PCDHA12: variants seen among roughly 807,000 people sequenced by gnomAD.
PCDHA12 encodes protocadherin alpha 12.
In PCDHA12, 44 loss-of-function variants were observed where a neutral mutation model predicts 60.0. That is an observed-to-expected ratio of 0.73 (90% CI 0.58 to 0.94). The LOEUF (loss-of-function observed/expected upper bound fraction) is 0.94. Among genes scored for constraint, PCDHA12 ranks in the 40% least tolerant of loss-of-function variants. The probability of loss-of-function intolerance (pLI) is 0.00; values close to 1 mark genes in which losing one functional copy is unlikely to be tolerated. For synonymous variants in PCDHA12, 569 were observed against 553.0 expected, an observed-to-expected ratio of 1.03 and a Z score of -0.40; for missense variants, 1,276 against 1,239.7, an observed-to-expected ratio of 1.03 and a Z score of -0.44.
intron 1 of PCDHA12, chr5:140,967,336 C>T (rs782067589): frequency 5.0e-6 from 8 of 1,607,396 alleles, no homozygotes; most frequent in Admixed American, 1.7e-5. Context: ...TCAGCCCCAG[C>T]GAGCACTTCG....
At chr5:140,913,667 G>A (rs2076425699) in intron 1 of PCDHA12, among the ~76,000 whole-genome samples, 2 of 152,000 alleles carry the variant, frequency 1.3e-5, no homozygotes, top group South Asian at 2.1e-4. Flanking sequence ...GTATAGTTAG[G>A]TTATTTAAAA....
intron 1 of PCDHA12, among the ~76,000 whole-genome samples, chr5:140,880,921 T>C (rs187033233): frequency 6.6e-6 from 1 of 152,272 alleles, no homozygotes; most frequent in East Asian, 1.9e-4. Context: ...AGAAATACTA[T>C]GTTAGTAAAA....
intron 1 of PCDHA12, among the ~76,000 whole-genome samples, chr5:140,933,345 A>G (rs1257404732): frequency 6.6e-6 from 1 of 151,960 alleles, no homozygotes; most frequent in Non-Finnish European, 1.5e-5. Flanking sequence ...AAAGATAAAC[A>G]CTTTATTTCT....
At chr5:141,008,431 C>T (rs1192058423) in intron 3 of PCDHA12, among the ~76,000 whole-genome samples, 1 of 152,140 alleles carries the variant, frequency 6.6e-6, no homozygotes, top group Non-Finnish European at 1.5e-5. Flanking sequence ...GATCACTTTG[C>T]CCAGACAGAC....
chr5:140,901,815 A>T (rs1339282567), intron 1 of PCDHA12, among the ~76,000 whole-genome samples: 1 of 152,122 alleles, frequency 6.6e-6, no homozygotes, highest in African/African-American at 2.4e-5. Context: ...TACAATATTG[A>T]TTCTTCCAGT....
chr5:140,968,994 G>T (rs1182509201), intron 1 of PCDHA12: 2 of 1,614,098 alleles, frequency 1.2e-6, no homozygotes, highest in Non-Finnish European at 1.7e-6. Context: ...GCATGCTGTG[G>T]AGGCTTCTGT....
intron 1 of PCDHA12, among the ~76,000 whole-genome samples, chr5:140,895,581 TTAGA>T (rs1442561424): frequency 6.6e-6 from 1 of 152,216 alleles, no homozygotes; most frequent in Non-Finnish European, 1.5e-5. Flanking sequence ...AATTACTTTA[TTAGA>T]TATATAATTT....
chr5:140,927,970 G>A (rs1554205315), intron 1 of PCDHA12: 1 of 1,614,216 alleles, frequency 6.2e-7, no homozygotes, highest in East Asian at 2.2e-5. Context: ...CACAGTGATT[G>A]CTCTCTTTAG....
chr5:140,882,126 T>C, intron 1 of PCDHA12: 1 of 1,466,718 alleles, frequency 6.8e-7, no homozygotes, highest in East Asian at 2.3e-5. Flanking sequence ...GTTTCTTTCT[T>C]CCTGCAGAAA....
chr5:140,900,644 C>G (rs1554189317), intron 1 of PCDHA12, among the ~76,000 whole-genome samples: 1 of 152,180 alleles, frequency 6.6e-6, no homozygotes. Context: ...ATTGTGAACA[C>G]TGCTGCAATG....
intron 1 of PCDHA12, among the ~76,000 whole-genome samples, chr5:140,961,995 TG>T (rs2095649493): frequency 1.3e-5 from 2 of 152,062 alleles, no homozygotes; most frequent in African/African-American, 4.8e-5. Flanking sequence ...GCCATTGTCC[TG>T]CCTCAGCTTC....
chr5:140,966,916 G>A lies in PCDHA12; in HGVS notation c.2368-12033G>A, dbSNP rs1554228883. On this transcript the variant is annotated intron_variant, in intron 1 of 3. Coordinates refer to ENST00000398631, the MANE Select transcript of PCDHA12 (RefSeq NM_018903.4). Reference sequence around the variant, plus strand: ...CCCAGCTGCGATACTCTGTGCCAGAGGAGCAGGCACCCGGCGCGCTCGTGG... The same window carrying A: ...CCCAGCTGCGATACTCTGTGCCAGAAGAGCAGGCACCCGGCGCGCTCGTGG... 13 of 1,602,486 alleles carry A rather than the reference G, an allele frequency of 8.1e-6. No individual in the cohort carries two copies. In the South Asian group the frequency reaches 1.4e-4, roughly 18 times the overall value.
chr5:140,992,857 CTCT>C (rs2097531206), intron 3 of PCDHA12, among the ~76,000 whole-genome samples: 2 of 152,148 alleles, frequency 1.3e-5, no homozygotes, highest in Non-Finnish European at 2.9e-5. Context: ...ACCAGTTTCA[CTCT>C]AGCTCCCTCC....
At chr5:140,898,511 G>A (rs373963449) in intron 1 of PCDHA12, among the ~76,000 whole-genome samples, 16 of 151,912 alleles carry the variant, frequency 1.1e-4, no homozygotes, top group South Asian at 4.2e-4. Context: ...GATATGCGGC[G>A]TTATTTCTGA....
chr5:140,901,829 T>C (rs1449316816), intron 1 of PCDHA12, among the ~76,000 whole-genome samples: 1 of 152,230 alleles, frequency 6.6e-6, no homozygotes, highest in African/African-American at 2.4e-5. Flanking sequence ...TTCCAGTCCA[T>C]AAACATGCAA....
At chr5:141,002,174 C>T (rs2098063920) in intron 3 of PCDHA12, among the ~76,000 whole-genome samples, 1 of 152,224 alleles carries the variant, frequency 6.6e-6, no homozygotes, top group Non-Finnish European at 1.5e-5. Context: ...AGGCAGGCTC[C>T]AGAGTGCTGT....
chr5:140,948,943 A>G (rs2094326850), intron 1 of PCDHA12, among the ~76,000 whole-genome samples: 1 of 71,272 alleles, frequency 1.4e-5, no homozygotes, highest in African/African-American at 4.3e-5. Context: ...CTTCTAATAT[A>G]AAAAAATTAA....
intron 1 of PCDHA12, among the ~76,000 whole-genome samples, chr5:140,952,192 G>A (rs572613863): frequency 1.1e-4 from 16 of 152,198 alleles, no homozygotes; most frequent in African/African-American, 3.9e-4. Flanking sequence ...TCATGGGTTG[G>A]TGTTGAATGC....
chr5:140,910,845 G>T (rs1448971238), intron 1 of PCDHA12, among the ~76,000 whole-genome samples: 1 of 152,090 alleles, frequency 6.6e-6, no homozygotes, highest in Admixed American at 6.5e-5. Flanking sequence ...CAATGCCTTG[G>T]ATCTATGTTC....
Sources: allele counts gnomAD v4.1 joint callset (sites outside exome capture counted in the v4.1 genomes callset), GRCh38; gene constraint gnomAD v4.1.1; transcripts MANE v1.5; gene names NCBI Gene and HGNC (gene_info 2026-07-23, HGNC 2026-07-21).